Variants in PDILT observed in about 807,000 individuals in gnomAD.
The protein encoded by PDILT is protein disulfide isomerase like, testis expressed, also known as protein disulfide-isomerase-like protein of the testis.
In PDILT, 43 loss-of-function variants were observed where a neutral mutation model predicts 53.7. That is an observed-to-expected ratio of 0.80 (90% CI 0.63 to 1.03). The LOEUF (loss-of-function observed/expected upper bound fraction) is 1.03. PDILT is among the 50% of genes least tolerant of loss of function. The pLI, the probability that PDILT is intolerant of heterozygous loss-of-function variation, is 0.00. For synonymous variants in PDILT, 282 were observed against 274.2 expected, an observed-to-expected ratio of 1.03 and a Z score of -0.28; for missense variants, 727 against 712.3, an observed-to-expected ratio of 1.02 and a Z score of -0.24.
chr16:20,387,177 T>A (rs1403806895), intron 2 of PDILT, among the ~76,000 whole-genome samples: 1 of 152,220 alleles, frequency 6.6e-6, no homozygotes, highest in African/African-American at 2.4e-5. Flanking sequence ...ACCCCTGCTG[T>A]CACTTGAAAA....
At position 20,399,086 on chromosome 16, in the gene PDILT, T is replaced by TG. The variant is rs774585976; in HGVS notation, c.202+12dup. The TG allele has an allele frequency of 9.3e-6, 15 of 1,614,050 alleles. No homozygotes were observed. The East Asian group carries it at 1.3e-4, about 14-fold the overall frequency. ...CCCATCTATCATCCATCACCCAGGA[T>TG]GGGGGCACTCACGGAAAAGCACCAT... On this transcript the variant is annotated intron_variant, in intron 2 of 11. Coordinates refer to ENST00000302451, the MANE Select transcript of PDILT (RefSeq NM_174924.2).
At chr16:20,399,959 A>C (rs1329950367) in intron 1 of PDILT, among the ~76,000 whole-genome samples, 1 of 152,040 alleles carries the variant, frequency 6.6e-6, no homozygotes, top group East Asian at 1.9e-4. Flanking sequence ...GAAGTATGGA[A>C]TGAATCCTTA....
At chr16:20,393,574 G>T (rs188604072) in intron 2 of PDILT, among the ~76,000 whole-genome samples, 2 of 152,362 alleles carry the variant, frequency 1.3e-5, no homozygotes, top group East Asian at 3.9e-4. Context: ...GAGGCACCAG[G>T]ACTCAGGGGG....
At chr16:20,386,404 T>C (rs948311300) in intron 2 of PDILT, among the ~76,000 whole-genome samples, 1 of 152,174 alleles carries the variant, frequency 6.6e-6, no homozygotes, top group African/African-American at 2.4e-5. Flanking sequence ...TCTTTTTCAC[T>C]GCCGCCCACC....
intron 2 of PDILT, among the ~76,000 whole-genome samples, chr16:20,393,477 G>A (rs1966629171): frequency 6.6e-6 from 1 of 152,190 alleles, no homozygotes; most frequent in Non-Finnish European, 1.5e-5. Context: ...GACCCAATTG[G>A]ACATTCCTTG....
Position 20,359,406 on chromosome 16 carries a change from TTTC to T in PDILT, c.1665_1667del (p.Lys556del). The T allele has an allele frequency of 6.2e-7, 1 of 1,614,204 alleles. No individual in the cohort carries two copies. The highest frequency in any genetic ancestry group is 1.1e-5 in the South Asian group (1 of 91,082). ...CCACCACCACCACCTCCTCAGATGT[TTTC>T]TTCTTCCCAGCGGGCTCTTCCAGCT... On this transcript the variant is annotated inframe_deletion, in exon 12 of 12. Transcript: ENST00000302451.
intron 1 of PDILT, among the ~76,000 whole-genome samples, chr16:20,399,672 T>G (rs996628076): frequency 6.6e-6 from 1 of 151,356 alleles, no homozygotes; most frequent in African/African-American, 2.4e-5. Context: ...CAGAGATAAC[T>G]GGTTCAATCC....
At position 20,374,883 on chromosome 16, in the gene PDILT, G is replaced by T. The variant is rs371240946; in HGVS notation, c.620C>A (p.Thr207Lys). ...GAAACGCCCAATGACATTGCCAATCGTTATGACTCCAAACGTTAGCTCTGG... is the reference window on the plus strand; with the variant it reads ...GAAACGCCCAATGACATTGCCAATCTTTATGACTCCAAACGTTAGCTCTGG... Reference protein sequence around the residue: ...DFPELTFGVITIGNVIGRFHV... With the variant: ...DFPELTFGVIKIGNVIGRFHV... The change falls in exon 5 of 12, where the codon ACG becomes AAG. Residue 207 changes from threonine to lysine, a missense_variant. Transcript: ENST00000302451. The T allele has an allele frequency of 3.1e-6, 5 of 1,613,964 alleles. No individual in the cohort carries two copies. The highest frequency in any genetic ancestry group is 4.2e-6 in the Non-Finnish European group (5 of 1,179,992).
At position 20,391,899 on chromosome 16, in the gene PDILT, T is replaced by C. The variant is rs373826848; in HGVS notation, c.203-7048A>G. 1.6e-4 allele frequency among the ~76,000 whole-genome samples: 25 copies of C among 151,662 alleles called. No homozygotes were observed. In the East Asian group the frequency reaches 4.8e-3, roughly 29 times the overall value. ...AGGTGAAGGAGTGTAGGAAGGATAC[T>C]ATGGAAGCTGCAAGTGCAAAGGCCC... On this transcript the variant is annotated intron_variant, in intron 2 of 11. Coordinates refer to ENST00000302451, the MANE Select transcript of PDILT (RefSeq NM_174924.2).
chr16:20,362,328 G>T, intron 10 of PDILT, 76 bp downstream of exon 10: 8 of 1,489,562 alleles, frequency 5.4e-6, no homozygotes, highest in Non-Finnish European at 6.4e-6. Flanking sequence ...AAGCGCAGCT[G>T]GTGGTAGGGA....
chr16:20,397,556 C>A (rs146650309), intron 2 of PDILT, among the ~76,000 whole-genome samples: 215 of 152,332 alleles, frequency 1.4e-3, no homozygotes, highest in East Asian at 0.012. Flanking sequence ...AGCCTTTGAA[C>A]GTAGGACTGT....
At chr16:20,375,087 AC>A in intron 4 of PDILT, 128 bp from the exon 5 acceptor site, 1 of 1,062,640 alleles carries the variant, frequency 9.4e-7, no homozygotes, top group Non-Finnish European at 1.3e-6. Flanking sequence ...TGCCTGGGTC[AC>A]CCAAATCCTC....
chr16:20,362,680 T>C, intron 9 of PDILT, 98 bp from the exon 10 acceptor site: 1 of 1,177,608 alleles, frequency 8.5e-7, no homozygotes, highest in Non-Finnish European at 1.2e-6. Context: ...CTTGTGGTCC[T>C]GCTGTTTTGC....
intron 9 of PDILT, among the ~76,000 whole-genome samples, chr16:20,363,308 C>G (rs1460303128): frequency 6.6e-6 from 1 of 152,118 alleles, no homozygotes; most frequent in African/African-American, 2.4e-5. Flanking sequence ...TTTGCTGGGA[C>G]TACAGGCTTG....
chr16:20,390,191 A>G (rs535360134), intron 2 of PDILT, among the ~76,000 whole-genome samples: 145 of 152,170 alleles, frequency 9.5e-4, no homozygotes, highest in African/African-American at 3.1e-3. Flanking sequence ...ATTGTCATCA[A>G]TCTCTTCTTG....
At chr16:20,367,016 C>A (rs1439110799) in intron 8 of PDILT, among the ~76,000 whole-genome samples, 35 of 143,444 alleles carry the variant, frequency 2.4e-4, no homozygotes, top group African/African-American at 8.0e-4. Context: ...TTATTTCTCT[C>A]TCTCTTTCTT....
In PDILT at chr16:20,359,649, T is replaced by C. The variant is rs1596574556; in HGVS notation, c.1507-82A>G. Reference sequence around the variant, plus strand: ...TAAAGAGGCAAGAAATATGTCATCATTGTGGTTGTAATAGTCAAGCCTACT... The same window carrying C: ...TAAAGAGGCAAGAAATATGTCATCACTGTGGTTGTAATAGTCAAGCCTACT... On this transcript the variant is annotated intron_variant, in intron 11 of 11. Coordinates refer to ENST00000302451, the MANE Select transcript of PDILT (RefSeq NM_174924.2). 4.3e-6 allele frequency: 6 copies of C among 1,391,448 alleles called. No individual in the cohort carries two copies. In the East Asian group the frequency reaches 9.1e-5, roughly 21 times the overall value. The allele number at this position is 1,391,448 out of a possible 1,614,324, so 86.2% of individuals were successfully genotyped here. A position where few individuals can be genotyped will look rare whatever the true frequency, so the allele number is the denominator to read the frequency against.
Position 20,370,617 on chromosome 16 carries a change from C to A in PDILT, c.919-928G>T, listed in dbSNP as rs933067502. 2.2e-4 allele frequency among the ~76,000 whole-genome samples: 34 copies of A among 152,282 alleles called. 1 individual carries two copies. The highest frequency in any genetic ancestry group is 7.9e-4 in the African/African-American group (33 of 41,556). On this transcript the variant is annotated intron_variant, in intron 7 of 11. Coordinates refer to ENST00000302451, the MANE Select transcript of PDILT (RefSeq NM_174924.2). ...TTTGTCAGAGGTGTTTAAACCAGAG[C>A]AACTTCATCTTGAATACAGGCTGGG...
Position 20,395,992 on chromosome 16 carries a change from C to T in PDILT, c.202+3107G>A, listed in dbSNP as rs533167804. ...AGCCTCAGGTATTCCTTTGTAGCAA[C>T]ACAAACAGACAAAGACATCACCATT... On this transcript the variant is annotated intron_variant, in intron 2 of 11. Coordinates refer to ENST00000302451, the MANE Select transcript of PDILT (RefSeq NM_174924.2). 3.1e-4 allele frequency among the ~76,000 whole-genome samples: 47 copies of T among 152,302 alleles called. No homozygotes were observed. In the South Asian group the frequency reaches 7.5e-3, roughly 24 times the overall value.
Sources: gnomAD v4.1 joint callset for allele counts (sites outside exome capture counted in the v4.1 genomes callset) on GRCh38, gnomAD v4.1.1 for gene constraint, MANE v1.5 for transcripts, NCBI Gene and HGNC (gene_info 2026-07-23, HGNC 2026-07-21) for gene names.